Variants in OR51E2 observed in about 807,000 individuals in gnomAD.
OR51E2 encodes the protein olfactory receptor family 51 subfamily E member 2, also known as olfactory receptor 51E2.
In OR51E2, 14 loss-of-function variants were observed where a neutral mutation model predicts 13.7. The ratio of observed to expected loss-of-function variants is 1.02; its 90% CI spans 0.68 to 1.60. OR51E2 has a LOEUF of 1.60. OR51E2 is among the 40% of genes most tolerant of loss of function. OR51E2 has a pLI of 0.00. For missense variants in OR51E2, 483 were observed against 413.8 expected, an observed-to-expected ratio of 1.17 and a Z score of -1.45; for synonymous variants, 180 against 157.6, an observed-to-expected ratio of 1.14 and a Z score of -1.07.
In OR51E2 at chr11:4,681,780, T is replaced by G; in HGVS notation, c.932A>C (p.Asp311Ala). Residue 311 changes from aspartate (D) to alanine (A), a missense_variant, in exon 2 of 2, where the codon GAC becomes GCC. Physicochemically the swap from Asp to Ala is moderately radical, Grantham distance 126. Coordinates refer to ENST00000396950, the MANE Select transcript of OR51E2 (RefSeq NM_030774.4). ...GCCTCCCACAGCCTGCAAGTCCTTGTCACAGCTGATCTTGAACATAGCCAG... is the reference window on the plus strand; with the variant it reads ...GCCTCCCACAGCCTGCAAGTCCTTGGCACAGCTGATCTTGAACATAGCCAG... ...RVLAMFKISC[D>A]KDLQAVGGK The G allele has an allele frequency of 6.2e-7, 1 of 1,614,200 alleles. No individual in the cohort carries two copies. Among genetic ancestry groups the G allele is most frequent in the South Asian group, 1.1e-5 (1 of 91,088 alleles).
chr11:4,692,307 T>G (rs996228808), intron 1 of OR51E2: 5 of 305,006 alleles, frequency 1.6e-5, no homozygotes, highest in South Asian at 1.2e-4. Context: ...CCTTACAATA[T>G]GATACCCGGC....
chr11:4,682,221 C>T lies in OR51E2; in HGVS notation c.491G>A (p.Arg164Gln), dbSNP rs768467736. The T allele has an allele frequency of 5.7e-5, 92 of 1,613,990 alleles. No individual in the cohort carries two copies. Among genetic ancestry groups the T allele is most frequent in the Middle Eastern group, 1.6e-4 (1 of 6,084 alleles). Residue 164 changes from arginine to glutamine, a missense_variant, in exon 2 of 2, where the codon CGG becomes CAG. Coordinates refer to ENST00000396950, the MANE Select transcript of OR51E2 (RefSeq NM_030774.4). ...GACATTGGAGTGGCAGAAGGCCAGC[C>T]GCTTGATCAGCAGAGGCAGTGGGAA... ...FFFPLPLLIK[R>Q]LAFCHSNVLS... is the part of the protein sequence containing the mutation.
intron 1 of OR51E2, among the ~76,000 whole-genome samples, chr11:4,684,287 G>T (rs1002239282): frequency 1.3e-5 from 2 of 152,168 alleles, no homozygotes; most frequent in Non-Finnish European, 2.9e-5. Context: ...GTTGCTATCA[G>T]AACATGAAAA....
intron 1 of OR51E2, chr11:4,685,683 T>C (rs1230866611): frequency 1.3e-5 from 2 of 152,212 alleles, no homozygotes; most frequent in Admixed American, 6.5e-5. Flanking sequence ...ATAATATTGG[T>C]TGGAGAACCA....
chr11:4,692,689 G>C (rs940737630), intron 1 of OR51E2, among the ~76,000 whole-genome samples: 6 of 152,110 alleles, frequency 3.9e-5, no homozygotes, highest in South Asian at 2.1e-4. Context: ...CAATGAGAGA[G>C]AGCCAGTTGC....
At chr11:4,685,369 A>G (rs1847503536) in intron 1 of OR51E2, among the ~76,000 whole-genome samples, 1 of 152,214 alleles carries the variant, frequency 6.6e-6, no homozygotes, top group Non-Finnish European at 1.5e-5. Context: ...TAAACCAAGC[A>G]CACACAGTCA....
intron 1 of OR51E2, 46 bp from the exon 2 acceptor site, chr11:4,682,807 A>T: frequency 2.9e-6 from 4 of 1,363,962 alleles, no homozygotes; most frequent in Non-Finnish European, 4.0e-6. Flanking sequence ...GGAAACTTGA[A>T]ACTGACATCC....
chr11:4,694,571 T>TAC (rs1385472889), intron 1 of OR51E2, among the ~76,000 whole-genome samples: 22 of 119,698 alleles, frequency 1.8e-4, no homozygotes, highest in Non-Finnish European at 2.9e-4. Context: ...CATACATATA[T>TAC]ATATACACAC....
At chr11:4,689,585 G>A (rs1847553720) in intron 1 of OR51E2, among the ~76,000 whole-genome samples, 1 of 152,124 alleles carries the variant, frequency 6.6e-6, no homozygotes, top group African/African-American at 2.4e-5. Flanking sequence ...GTGTGGCATT[G>A]AAATATATGC....
chr11:4,696,791 T>A (rs2133255060), intron 1 of OR51E2, among the ~76,000 whole-genome samples: 1 of 152,340 alleles, frequency 6.6e-6, no homozygotes, highest in East Asian at 1.9e-4. Flanking sequence ...TGCACTATTA[T>A]AAGCTATAGC....
chr11:4,697,358 G>T (rs928849231), intron 1 of OR51E2, among the ~76,000 whole-genome samples: 1 of 152,188 alleles, frequency 6.6e-6, no homozygotes, highest in African/African-American at 2.4e-5. Context: ...TTCATTTTTA[G>T]TAATAGTTAT....
chr11:4,687,716 G>A (rs1240714387), intron 1 of OR51E2, among the ~76,000 whole-genome samples: 1 of 152,172 alleles, frequency 6.6e-6, no homozygotes, highest in Non-Finnish European at 1.5e-5. Context: ...TGAGCTCAGA[G>A]TTTGTTGTGG....
At chr11:4,692,385 C>CG (rs1847593163) in intron 1 of OR51E2, among the ~76,000 whole-genome samples, 1 of 152,212 alleles carries the variant, frequency 6.6e-6, no homozygotes, top group South Asian at 2.1e-4. Flanking sequence ...GAGGCTGCCC[C>CG]CACCTGATAT....
At chr11:4,690,714 T>C (rs572796755) in intron 1 of OR51E2, 29 of 346,300 alleles carry the variant, frequency 8.4e-5, no homozygotes, top group South Asian at 6.4e-4. Flanking sequence ...TGACCTGAAG[T>C]ATACCATCTT....
In OR51E2 at chr11:4,691,410, G is replaced by A. The variant is rs189672821; in HGVS notation, c.-51+6243C>T. Reference sequence around the variant, plus strand: ...AATAAAGAACATGTGGGACAAGCAGGCATTAAAGCTGATTTCCCTCACATT... The same window carrying A: ...AATAAAGAACATGTGGGACAAGCAGACATTAAAGCTGATTTCCCTCACATT... On this transcript the variant is annotated intron_variant, in intron 1 of 1. Coordinates refer to ENST00000396950, the MANE Select transcript of OR51E2 (RefSeq NM_030774.4). 2.4e-3 allele frequency: 1,089 copies of A among 457,886 alleles called. 3 individuals are homozygous for A. The highest frequency in any genetic ancestry group is 4.1e-3 in the Non-Finnish European group (940 of 227,102). 28.4% of individuals were successfully genotyped at this position (457,886 alleles called of 1,614,324 possible). A position where few individuals can be genotyped will look rare whatever the true frequency, so the allele number is the denominator to read the frequency against.
intron 1 of OR51E2, among the ~76,000 whole-genome samples, chr11:4,688,523 A>G (rs369942584): frequency 4.3e-4 from 65 of 152,294 alleles, no homozygotes; most frequent in African/African-American, 1.4e-3. Context: ...ATAGATATTT[A>G]TATGCTTTTA....
rs781672647 is a variant in OR51E2, at chr11:4,682,645, G to A, written c.67C>T (p.His23Tyr). 3.1e-6 allele frequency: 5 copies of A among 1,614,180 alleles called. No homozygotes were observed. Among genetic ancestry groups the A allele is most frequent in the Non-Finnish European group, 4.2e-6 (5 of 1,180,022 alleles). Residue 23 changes from histidine to tyrosine, a missense_variant, in exon 2 of 2, where the codon CAT becomes TAT. By Grantham distance (83) the His-to-Tyr change is moderately conservative (BLOSUM62 2). Transcript: ENST00000396950. ...AGGAGGGGGAAGCCAACCCAGAAAT[G>A]GGCTTTCTCTAATCCTGGGATACCA... is the stretch of plus-strand genomic sequence containing the variant. Reference protein sequence around the residue: ...LIGIPGLEKAHFWVGFPLLSM... With the variant: ...LIGIPGLEKAYFWVGFPLLSM...
intron 1 of OR51E2, chr11:4,691,711 A>G (rs967188643): frequency 5.6e-6 from 2 of 360,264 alleles, no homozygotes; most frequent in Non-Finnish European, 1.1e-5. Context: ...GTGATGAATT[A>G]AAAGTACAGA....
chr11:4,682,648 C>T lies in OR51E2; in HGVS notation c.64G>A (p.Ala22Thr). ...AGGGGGAAGCCAACCCAGAAATGGG[C>T]TTTCTCTAATCCTGGGATACCAATA... ...VLIGIPGLEK[A>T]HFWVGFPLLS... Residue 22 changes from alanine (A) to threonine (T), a missense_variant, in exon 2 of 2, where the codon GCC (alanine) becomes ACC (threonine). Ala to Thr is a moderately conservative substitution (Grantham distance 58). Transcript: ENST00000396950. The T allele has an allele frequency of 1.2e-6, 2 of 1,614,194 alleles. No individual in the cohort carries two copies. The highest frequency in any genetic ancestry group is 3.3e-4 in the Middle Eastern group (2 of 6,062).
Sources: allele counts gnomAD v4.1 joint callset (sites outside exome capture counted in the v4.1 genomes callset), GRCh38; gene constraint gnomAD v4.1.1; transcripts MANE v1.5; gene names NCBI Gene and HGNC (gene_info 2026-07-23, HGNC 2026-07-21).